The following PBX3 variants were observed in gnomAD, a reference collection of about 807,000 sequenced individuals.
PBX3 encodes the protein pre-B-cell leukemia transcription factor 3.
A neutral mutation model predicts 48.5 loss-of-function variants in PBX3; 14 were observed. The ratio of observed to expected loss-of-function variants is 0.29; its 90% CI spans 0.19 to 0.45. The LOEUF (loss-of-function observed/expected upper bound fraction) is 0.45. Among genes scored for constraint, PBX3 ranks in the 20% least tolerant of loss-of-function variants. The probability of loss-of-function intolerance (pLI) is 1.00; values close to 1 mark genes in which losing one functional copy is unlikely to be tolerated. For synonymous variants in PBX3, 210 were observed against 200.3 expected, an observed-to-expected ratio of 1.05 and a Z score of -0.41; for missense variants, 386 against 546.7, an observed-to-expected ratio of 0.71 and a Z score of 2.93.
At chr9:125,765,729 C>G (rs964791439) in intron 2 of PBX3, among the ~76,000 whole-genome samples, 3 of 152,088 alleles carry the variant, frequency 2.0e-5, no homozygotes, top group Non-Finnish European at 2.9e-5. Flanking sequence ...CCAATTATCA[C>G]TATTTTTTGT....
chr9:125,801,471 A>G (rs1450371864), intron 2 of PBX3, among the ~76,000 whole-genome samples: 1 of 152,194 alleles, frequency 6.6e-6, no homozygotes. Flanking sequence ...AAAAATTAGC[A>G]TATGATTTCC....
intron 5 of PBX3, among the ~76,000 whole-genome samples, chr9:125,938,376 T>C (rs1479605911): frequency 6.6e-6 from 1 of 152,216 alleles, no homozygotes; most frequent in South Asian, 2.1e-4. Context: ...GGATCAGATA[T>C]AATTATCAAT....
chr9:125,751,239 G>T (rs1206134298), intron 2 of PBX3, among the ~76,000 whole-genome samples: 1 of 152,126 alleles, frequency 6.6e-6, no homozygotes, highest in Non-Finnish European at 1.5e-5. Flanking sequence ...AATGAAGGGG[G>T]TTGAGGGTGA....
chr9:125,769,877 T>G (rs1010381228), intron 2 of PBX3, among the ~76,000 whole-genome samples: 1 of 152,146 alleles, frequency 6.6e-6, no homozygotes, highest in Non-Finnish European at 1.5e-5. Context: ...TTCTTTGACT[T>G]TTTTTTAAAC....
At chr9:125,910,650 C>T (rs1841182151) in intron 2 of PBX3, among the ~76,000 whole-genome samples, 2 of 151,444 alleles carry the variant, frequency 1.3e-5, no homozygotes, top group African/African-American at 4.9e-5. Flanking sequence ...GTGACATTAG[C>T]TTGTAATATG....
chr9:125,775,544 A>T (rs1837049918), intron 2 of PBX3, among the ~76,000 whole-genome samples: 1 of 152,238 alleles, frequency 6.6e-6, no homozygotes, highest in African/African-American at 2.4e-5. Context: ...GTCAAAAATA[A>T]ATCGATTATA....
At chr9:125,813,393 T>C (rs1009356798) in intron 2 of PBX3, among the ~76,000 whole-genome samples, 5 of 152,254 alleles carry the variant, frequency 3.3e-5, no homozygotes, top group Non-Finnish European at 7.3e-5. Context: ...TATAATCTTA[T>C]GAAACCATCA....
chr9:125,940,057 A>G (rs1011023993), intron 5 of PBX3, among the ~76,000 whole-genome samples: 2 of 152,060 alleles, frequency 1.3e-5, no homozygotes, highest in Non-Finnish European at 2.9e-5. Context: ...TGGTGCATGC[A>G]TGTAATCCCA....
rs926406994 is a variant in PBX3, at chr9:125,938,800, A to T, written c.843+3193A>T. ...TGTACTGTGGGGAAAACCATACCAT[A>T]AAAGATATTATTGGGTTAAATTTAC... On this transcript the variant is annotated intron_variant, in intron 5 of 8. Transcript: ENST00000373489. Among the ~76,000 whole-genome samples the T allele has an allele frequency of 2.0e-5, 3 of 152,226 alleles. No individual in the cohort carries two copies. The South Asian group carries it at 6.2e-4, about 32-fold the overall frequency.
chr9:125,961,025 T>G (rs1427768238), intron 6 of PBX3, among the ~76,000 whole-genome samples, 176 bp downstream of exon 6: 2 of 152,244 alleles, frequency 1.3e-5, no homozygotes. Flanking sequence ...GGTCAGAGCC[T>G]GTAAACCCAC....
At chr9:125,947,561 AT>A (rs1334528802) in intron 5 of PBX3, among the ~76,000 whole-genome samples, 2 of 151,994 alleles carry the variant, frequency 1.3e-5, no homozygotes, top group Middle Eastern at 3.2e-3. Flanking sequence ...ACATAGAATA[AT>A]TTTTTTTAAA....
chr9:125,901,776 A>G (rs1391354234), intron 2 of PBX3, among the ~76,000 whole-genome samples: 6 of 151,746 alleles, frequency 4.0e-5, no homozygotes, highest in African/African-American at 1.4e-4. Context: ...AAAACCAGGT[A>G]GTAATCAATT....
chr9:125,753,594 G>C (rs907188360), intron 2 of PBX3, among the ~76,000 whole-genome samples: 7 of 151,812 alleles, frequency 4.6e-5, no homozygotes, highest in African/African-American at 1.7e-4. Flanking sequence ...ATACTAACTT[G>C]ATCTGTGCAA....
At chr9:125,955,977 C>T (rs1027248782) in intron 5 of PBX3, among the ~76,000 whole-genome samples, 7 of 152,270 alleles carry the variant, frequency 4.6e-5, no homozygotes, top group South Asian at 4.1e-4. Flanking sequence ...GAAAAGCTGA[C>T]GGGGCGTCCT....
chr9:125,827,639 AT>A (rs1192791971), intron 2 of PBX3, among the ~76,000 whole-genome samples: 1 of 151,992 alleles, frequency 6.6e-6, no homozygotes, highest in Admixed American at 6.6e-5. Context: ...CATGTACTGC[AT>A]TGATTTTGAT....
chr9:125,944,486 G>A (rs1842026172), intron 5 of PBX3, among the ~76,000 whole-genome samples: 1 of 152,178 alleles, frequency 6.6e-6, no homozygotes, highest in Non-Finnish European at 1.5e-5. Context: ...GAATTTGTTG[G>A]GGGAAACAGA....
chr9:125,812,481 A>AC (rs1838319789), intron 2 of PBX3, among the ~76,000 whole-genome samples: 2 of 152,226 alleles, frequency 1.3e-5, no homozygotes, highest in Non-Finnish European at 2.9e-5. Context: ...TTACAGACTT[A>AC]AGAGTTTAAC....
chr9:125,830,594 C>T (rs1034303530), intron 2 of PBX3, among the ~76,000 whole-genome samples: 2 of 152,092 alleles, frequency 1.3e-5, no homozygotes, highest in African/African-American at 4.8e-5. Flanking sequence ...CCTTTGCTAT[C>T]ATATCCTCTA....
At chr9:125,801,999 G>A (rs1357940829) in intron 2 of PBX3, among the ~76,000 whole-genome samples, 2 of 152,150 alleles carry the variant, frequency 1.3e-5, no homozygotes, top group Non-Finnish European at 2.9e-5. Context: ...GATCACTTGA[G>A]CCTGGGTGAG....
Sources: gnomAD v4.1 joint callset for allele counts (sites outside exome capture counted in the v4.1 genomes callset) on GRCh38, gnomAD v4.1.1 for gene constraint, MANE v1.5 for transcripts, NCBI Gene and HGNC (gene_info 2026-07-23, HGNC 2026-07-21) for gene names.